CENPV: variants seen among roughly 807,000 people sequenced by gnomAD.
The protein encoded by CENPV is centromere protein V, also known as nuclear protein p30.
Under a neutral mutation model 26.4 loss-of-function variants are expected in CENPV, and 15 were observed. That is an observed-to-expected ratio of 0.57 (90% CI 0.38 to 0.88). The LOEUF is 0.88. Ranked by LOEUF, CENPV falls within the 40% of genes least tolerant of loss-of-function variation. CENPV has a pLI of 0.00. For synonymous variants in CENPV, 172 were observed against 165.5 expected (o/e 1.04, Z -0.30); for missense variants, 336 against 376.5 (o/e 0.89, Z 0.89).
At chr17:16,349,299 C>T (rs937501108) in intron 2 of CENPV, 143 of 986,068 alleles carry the variant, frequency 1.5e-4, no homozygotes, top group Non-Finnish European at 1.7e-4. Context: ...GTAATTCCAT[C>T]GTATGTGCTT....
At chr17:16,348,005 A>C (rs1435884595) in intron 3 of CENPV, 1 of 152,320 alleles carries the variant, frequency 6.6e-6, no homozygotes, top group Non-Finnish European at 1.5e-5. Flanking sequence ...ATAATACACA[A>C]AGACAGACAC....
At chr17:16,350,537 T>C (rs2093224539) in intron 1 of CENPV, 2 of 153,016 alleles carry the variant, frequency 1.3e-5, no homozygotes, top group Admixed American at 1.3e-4. Context: ...GAGATAGGGC[T>C]TCACCATCTT....
chr17:16,344,768 T>C (rs564840273), intron 3 of CENPV, 57 bp from the exon 4 acceptor site: 8 of 865,908 alleles, frequency 9.2e-6, no homozygotes, highest in African/African-American at 9.2e-5. Flanking sequence ...TTTATTTAAT[T>C]TATTTATTTA....
In CENPV at chr17:16,342,755, C is replaced by A. The variant is rs1325437568; in HGVS notation, c.*62G>T. The A allele has an allele frequency of 1.9e-6, 3 of 1,607,216 alleles. No homozygotes were observed. The African/African-American group carries it at 4.0e-5, about 21-fold the overall frequency. On this transcript the variant is annotated 3_prime_UTR_variant, in exon 5 of 5. Coordinates refer to ENST00000299736, the MANE Select transcript of CENPV (RefSeq NM_181716.3). ...ATTCAGGAGCACCACCGAGGCACGG[C>A]AGGGAGAGCAAAGTTGCTGGCCCCA...
intron 2 of CENPV, chr17:16,349,428 C>T (rs1482292756): frequency 1.8e-5 from 18 of 986,002 alleles, no homozygotes; most frequent in Non-Finnish European, 2.2e-5. Flanking sequence ...TCCATCATAA[C>T]GCCGGGGAAG....
chr17:16,349,867 T>G, intron 2 of CENPV, 64 bp downstream of exon 2: 1 of 1,593,162 alleles, frequency 6.3e-7, no homozygotes, highest in South Asian at 1.1e-5. Flanking sequence ...CCAGATTATT[T>G]TGAAATATTG....
chr17:16,344,014 T>A (rs1355425928), intron 4 of CENPV, among the ~76,000 whole-genome samples: 1 of 152,124 alleles, frequency 6.6e-6, no homozygotes, highest in Non-Finnish European at 1.5e-5. Flanking sequence ...GCTTGTTTAT[T>A]ATTTTTTAAA....
intron 1 of CENPV, 93 bp from the exon 2 acceptor site, chr17:16,350,122 A>G: frequency 6.8e-7 from 1 of 1,477,882 alleles, no homozygotes; most frequent in Non-Finnish European, 9.1e-7. Flanking sequence ...AGATTAGACA[A>G]AAGTCTTTTC....
chr17:16,350,722 C>T (rs1208555875), intron 1 of CENPV: 4 of 152,022 alleles, frequency 2.6e-5, no homozygotes, highest in East Asian at 3.9e-4. Context: ...CTACCCTTAC[C>T]GACCTTAACA....
At chr17:16,343,022 C>A (rs1229068483) in intron 4 of CENPV, 81 bp from the exon 5 acceptor site, 1 of 1,499,926 alleles carries the variant, frequency 6.7e-7, no homozygotes, top group African/African-American at 1.4e-5. Context: ...GATAAGCCCC[C>A]ACCTGCAGGC....
At chr17:16,346,235 AATTT>A (rs1404287968) in intron 3 of CENPV, among the ~76,000 whole-genome samples, 4 of 152,212 alleles carry the variant, frequency 2.6e-5, no homozygotes, top group Non-Finnish European at 4.4e-5. Flanking sequence ...CATTTCTTGA[AATTT>A]ATTATACAGA....
chr17:16,350,250 T>C (rs537629143), intron 1 of CENPV, among the ~76,000 whole-genome samples: 1 of 152,326 alleles, frequency 6.6e-6, no homozygotes, highest in East Asian at 1.9e-4. Context: ...TCTTAAATTA[T>C]ATTAAGTTGC....
At chr17:16,346,801 CTT>C (rs551388416) in intron 3 of CENPV, among the ~76,000 whole-genome samples, 3 of 139,782 alleles carry the variant, frequency 2.1e-5, no homozygotes, top group African/African-American at 2.6e-5. Flanking sequence ...GCTACCATTT[CTT>C]TTTTTTTTTT....
At chr17:16,352,875 C>A in intron 1 of CENPV, 152 bp downstream of exon 1, 2 of 1,163,020 alleles carry the variant, frequency 1.7e-6, no homozygotes, top group Non-Finnish European at 2.2e-6. Context: ...AGGAATAACC[C>A]CAGTGCTAAC....
intron 3 of CENPV, 115 bp from the exon 4 acceptor site, chr17:16,344,826 A>C (rs2093198672): frequency 1.9e-6 from 1 of 515,056 alleles, no homozygotes; most frequent in South Asian, 2.8e-5. Context: ...GCTGGAGTGC[A>C]GTGGCGCAAT....
intron 1 of CENPV, 121 bp downstream of exon 1, chr17:16,352,906 G>A (rs939423956): frequency 1.9e-4 from 247 of 1,324,990 alleles, no homozygotes; most frequent in Non-Finnish European, 2.2e-4. Flanking sequence ...CGTCGGCTCC[G>A]TAACGTGGAA....
chr17:16,349,117 G>A, intron 2 of CENPV: 1 of 989,222 alleles, frequency 1.0e-6, no homozygotes, highest in Non-Finnish European at 1.2e-6. Context: ...CCAGCTCCAA[G>A]TAAAACACGT....
chr17:16,348,809 C>T (rs1382722039), intron 2 of CENPV, 124 bp from the exon 3 acceptor site: 43 of 1,491,248 alleles, frequency 2.9e-5, no homozygotes, highest in Non-Finnish European at 3.3e-5. Flanking sequence ...CATCCAGGGC[C>T]GAGGAGCTGG....
At chr17:16,347,756 A>C (rs2093213453) in intron 3 of CENPV, 1 of 152,180 alleles carries the variant, frequency 6.6e-6, no homozygotes, top group Non-Finnish European at 1.5e-5. Flanking sequence ...GAAGAGGGAG[A>C]CTGGGGCATG....
Sources: allele counts gnomAD v4.1 joint callset (sites outside exome capture counted in the v4.1 genomes callset), GRCh38; gene constraint gnomAD v4.1.1; transcripts MANE v1.5; gene names NCBI Gene and HGNC (gene_info 2026-07-23, HGNC 2026-07-21).